EHMT1: variants seen among roughly 807,000 people sequenced by gnomAD.
EHMT1 encodes the protein euchromatic histone lysine methyltransferase 1, also known as histone-lysine N-methyltransferase EHMT1.
Under a neutral mutation model 147.2 loss-of-function variants are expected in EHMT1, and 15 were observed. That is an observed-to-expected ratio of 0.10 (90% CI 0.07 to 0.16). The LOEUF (loss-of-function observed/expected upper bound fraction) is 0.16. Among genes scored for constraint, EHMT1 ranks in the 10% least tolerant of loss-of-function variants. The pLI, the probability that EHMT1 is intolerant of heterozygous loss-of-function variation, is 1.00. For synonymous variants in EHMT1, 795 were observed against 709.6 expected, an observed-to-expected ratio of 1.12 and a Z score of -1.91; for missense variants, 1,587 against 1,772.4, an observed-to-expected ratio of 0.90 and a Z score of 1.88.
intron 4 of EHMT1, among the ~76,000 whole-genome samples, chr9:137,735,694 T>C (rs1947472022): frequency 6.6e-6 from 1 of 152,172 alleles, no homozygotes. Flanking sequence ...GGGGCCTAGC[T>C]TGAGGTGATT....
intron 1 of EHMT1, among the ~76,000 whole-genome samples, chr9:137,635,860 T>C (rs962644330): frequency 3.6e-4 from 55 of 151,940 alleles, no homozygotes; most frequent in Admixed American, 2.0e-3. Context: ...AATGTATAAG[T>C]TTTGTAGTTA....
chr9:137,670,459 T>G (rs779873346), intron 1 of EHMT1, among the ~76,000 whole-genome samples: 1 of 152,138 alleles, frequency 6.6e-6, no homozygotes, highest in Non-Finnish European at 1.5e-5. Context: ...CGGTGCTGGG[T>G]GCAGCTCAGC....
intron 3 of EHMT1, among the ~76,000 whole-genome samples, chr9:137,720,199 T>C (rs993091662): frequency 6.6e-6 from 1 of 151,230 alleles, no homozygotes; most frequent in Admixed American, 6.6e-5. Flanking sequence ...ACAGTCGAGA[T>C]ATGGAACCCC....
Position 137,813,313 on chromosome 9 carries a change from C to A in EHMT1, c.3036-73C>A. On this transcript the variant is annotated intron_variant, in intron 20 of 26. Coordinates refer to ENST00000460843, the MANE Select transcript of EHMT1 (RefSeq NM_024757.5). This position sits in a 1 kb window ranked among gnomAD's most constrained non-coding sequence, Gnocchi z 4.9. The stretch of plus-strand genomic sequence containing the variant: ...TCAGGGCCAGGTGTTTGCCAGCCGC[C>A]CCACTGCACGCTGTGCCACCCCCTG... The A allele has an allele frequency of 3.2e-6, 5 of 1,567,222 alleles. No homozygotes were observed. Among genetic ancestry groups the A allele is most frequent in the Middle Eastern group, 3.4e-4 (2 of 5,804 alleles).
At chr9:137,832,056 C>T (rs1342494945) in intron 25 of EHMT1, among the ~76,000 whole-genome samples, 1 of 151,514 alleles carries the variant, frequency 6.6e-6, no homozygotes, top group African/African-American at 2.4e-5. Flanking sequence ...GCTGGGCTCC[C>T]TCCACAGGCT....
At position 137,782,247 on chromosome 9, in the gene EHMT1, G is replaced by C; in HGVS notation, c.2276-44G>C. On this transcript the variant is annotated intron_variant, in intron 14 of 26. Transcript: ENST00000460843. This position sits in a 1 kb window ranked among gnomAD's most constrained non-coding sequence, Gnocchi z 5.7. Reference sequence around the variant, plus strand: ...TCGTGACAGTCCTGAGCTGGAGTCTGTGGCTACATCTGAAATCATTAATAA... The same window carrying C: ...TCGTGACAGTCCTGAGCTGGAGTCTCTGGCTACATCTGAAATCATTAATAA... 1.3e-6 allele frequency: 2 copies of C among 1,545,462 alleles called. No homozygotes were observed. The highest frequency in any genetic ancestry group is 2.3e-5 in the South Asian group (2 of 86,750).
At chr9:137,657,055 G>GT in intron 1 of EHMT1, among the ~76,000 whole-genome samples, 1 of 152,176 alleles carries the variant, frequency 6.6e-6, no homozygotes, top group East Asian at 1.9e-4. Context: ...TTTTACTTTT[G>GT]TCTGTTCATC....
chr9:137,691,324 TAA>T (rs983603292), intron 1 of EHMT1, among the ~76,000 whole-genome samples: 9 of 149,274 alleles, frequency 6.0e-5, no homozygotes, highest in African/African-American at 9.8e-5. Context: ...TATATATATA[TAA>T]AATATATTTT....
At chr9:137,654,064 G>A (rs1048285766) in intron 1 of EHMT1, among the ~76,000 whole-genome samples, 4 of 152,156 alleles carry the variant, frequency 2.6e-5, no homozygotes, top group Non-Finnish European at 5.9e-5. Context: ...TTATTGAATA[G>A]TCTTCATGGC....
At chr9:137,734,729 G>T (rs1017964015) in intron 4 of EHMT1, among the ~76,000 whole-genome samples, 2 of 152,162 alleles carry the variant, frequency 1.3e-5, no homozygotes, top group South Asian at 4.1e-4. Flanking sequence ...TCACATACAC[G>T]TTTCCTCAGT....
At chr9:137,669,435 C>CCCCCACA (rs1564562899) in intron 1 of EHMT1, among the ~76,000 whole-genome samples, 2 of 1,806 alleles carry the variant, frequency 1.1e-3, no homozygotes, top group Non-Finnish European at 2.4e-3. Context: ...CCCAAGACGC[C>CCCCCACA]GCCCACAGCA....
chr9:137,672,446 G>A (rs372453530), intron 1 of EHMT1, among the ~76,000 whole-genome samples: 1 of 152,172 alleles, frequency 6.6e-6, no homozygotes, highest in African/African-American at 2.4e-5. Context: ...ATGTTAGCAC[G>A]TAGTAGGTTT....
intron 1 of EHMT1, among the ~76,000 whole-genome samples, chr9:137,678,356 C>T (rs957734941): frequency 2.6e-5 from 4 of 152,122 alleles, no homozygotes; most frequent in Non-Finnish European, 4.4e-5. Context: ...TTCACCATAA[C>T]GCTGCTGAGT....
At chr9:137,805,980 T>C (rs2137518548) in intron 18 of EHMT1, among the ~76,000 whole-genome samples, 1 of 151,100 alleles carries the variant, frequency 6.6e-6, no homozygotes, top group South Asian at 2.1e-4. Context: ...CTTTTTTTTT[T>C]TGGAGACAGT....
At chr9:137,722,858 G>A (rs1312455559) in intron 3 of EHMT1, among the ~76,000 whole-genome samples, 2 of 152,230 alleles carry the variant, frequency 1.3e-5, no homozygotes, top group Non-Finnish European at 2.9e-5. Context: ...TGTGCTCTGT[G>A]TCTGTGGTTC....
chr9:137,622,659 C>T (rs1315094589), intron 1 of EHMT1, among the ~76,000 whole-genome samples: 3 of 152,118 alleles, frequency 2.0e-5, no homozygotes, highest in Non-Finnish European at 2.9e-5. Flanking sequence ...GCAGCTCATG[C>T]CTGGGAGGCC....
At chr9:137,821,638 T>C (rs1035130689) in intron 25 of EHMT1, among the ~76,000 whole-genome samples, 1 of 152,164 alleles carries the variant, frequency 6.6e-6, no homozygotes, top group Admixed American at 6.5e-5. Context: ...AGCTTCACCA[T>C]AGAGTTTGTG....
intron 18 of EHMT1, among the ~76,000 whole-genome samples, chr9:137,807,387 A>AAGTTCTGTTG (rs1954035010): frequency 1.3e-5 from 2 of 152,178 alleles, no homozygotes; most frequent in African/African-American, 2.4e-5. Context: ...TCAGCTCTAA[A>AAGTTCTGTTG]AGTTCTGTTG....
intron 13 of EHMT1, among the ~76,000 whole-genome samples, chr9:137,778,391 C>T (rs1951120456): frequency 6.6e-6 from 1 of 152,236 alleles, no homozygotes; most frequent in Non-Finnish European, 1.5e-5. Flanking sequence ...GTTTCCCTCC[C>T]AGGCCACACC....
Sources: gnomAD v4.1 joint callset for allele counts (sites outside exome capture counted in the v4.1 genomes callset) on GRCh38, gnomAD v4.1.1 for gene constraint, Gnocchi (gnomAD v3.1) non-coding constraint, MANE v1.5 for transcripts, NCBI Gene and HGNC (gene_info 2026-07-23, HGNC 2026-07-21) for gene names.